The following INPP4A variants were observed in gnomAD, a reference collection of about 807,000 sequenced individuals.
INPP4A encodes inositol polyphosphate-4-phosphatase, type I, 107kD.
Under a neutral mutation model 119.8 loss-of-function variants are expected in INPP4A, and 33 were observed. That is an observed-to-expected ratio of 0.28 (90% confidence interval 0.21 to 0.37). INPP4A has a LOEUF of 0.37. Among genes scored for constraint, INPP4A ranks in the 10% least tolerant of loss-of-function variants. The pLI is 1.00. For synonymous variants in INPP4A, 496 were observed against 500.7 expected (o/e 0.99, Z 0.12); for missense variants, 956 against 1,289.9 (o/e 0.74, Z 3.97).
In INPP4A at chr2:98,585,851, A is replaced by C. The variant is rs1454565926; in HGVS notation, c.2787-1625A>C. Among the ~76,000 whole-genome samples the C allele has an allele frequency of 4.4e-4, 67 of 152,242 alleles. 1 individual carries two copies. Among genetic ancestry groups the C allele is most frequent in the Admixed American group, 4.4e-3 (67 of 15,276 alleles). ...AATAAAAGATAATGTCAAAGTTCAC[A>C]AATTATTCTGCCTCGCTCCTCACGG... is the stretch of plus-strand genomic sequence containing the variant. On this transcript the variant is annotated intron_variant, in intron 24 of 24. Coordinates refer to ENST00000409851, the MANE Select transcript of INPP4A (RefSeq NM_001134225.2).
chr2:98,568,092 G>A (rs995301057), intron 21 of INPP4A, among the ~76,000 whole-genome samples: 2 of 152,240 alleles, frequency 1.3e-5, no homozygotes, highest in African/African-American at 4.8e-5. Context: ...GAACCTGCAC[G>A]ATGACGAAAG....
chr2:98,581,808 A>T (rs1006915981), intron 24 of INPP4A: 1 of 1,565,002 alleles, frequency 6.4e-7, no homozygotes, highest in South Asian at 1.2e-5. Flanking sequence ...GTGCCAGAAC[A>T]TGTCCAGCCA....
chr2:98,480,635 TGC>T (rs1430409240), intron 1 of INPP4A, among the ~76,000 whole-genome samples: 1 of 152,214 alleles, frequency 6.6e-6, no homozygotes, highest in African/African-American at 2.4e-5. Flanking sequence ...TGACCCTCTG[TGC>T]ACTGAAGGAG....
intron 1 of INPP4A, among the ~76,000 whole-genome samples, chr2:98,478,128 G>A (rs1033016367): frequency 6.6e-6 from 1 of 152,202 alleles, no homozygotes; most frequent in Non-Finnish European, 1.5e-5. Flanking sequence ...GGACACTGCC[G>A]TAGGTGGGAG....
rs79295624 is a variant in INPP4A at position 98,555,846 on chromosome 2, T to C, written c.1822+38T>C. Reference sequence around the variant, plus strand: ...CCATGCTTCCCATATGCTGCCTCCATTTCACCTTGTGCTGCTTCCATTTGT... The same window carrying C: ...CCATGCTTCCCATATGCTGCCTCCACTTCACCTTGTGCTGCTTCCATTTGT... On this transcript the variant is annotated intron_variant, in intron 16 of 24. Transcript: ENST00000409851. 4,539 of 1,523,846 alleles carry C rather than the reference T, an allele frequency of 3.0e-3. 106 individuals carry two copies. In the African/African-American group the frequency reaches 0.054, roughly 18 times the overall value. 94.4% of individuals were successfully genotyped at this position (1,523,846 alleles called of 1,614,324 possible). A position where few individuals can be genotyped will look rare whatever the true frequency, so the allele number is the denominator to read the frequency against.
chr2:98,475,063 T>C (rs1022337705), intron 1 of INPP4A, among the ~76,000 whole-genome samples: 1 of 151,964 alleles, frequency 6.6e-6, no homozygotes, highest in African/African-American at 2.4e-5. Context: ...TGTCTGGAAG[T>C]GGGTGAAACT....
intron 1 of INPP4A, among the ~76,000 whole-genome samples, chr2:98,462,533 G>A (rs1673791658): frequency 6.8e-6 from 1 of 147,024 alleles, no homozygotes; most frequent in Non-Finnish European, 1.5e-5. Context: ...AATTATTATT[G>A]TTTTTTTTTT....
rs1700372844 is a variant in INPP4A, at chr2:98,591,036, T to C, written c.*3428T>C. The stretch of plus-strand genomic sequence containing the variant: ...ATACAATGTATTAGCCCCTGTCATA[T>C]GTTGCACACTTTTTAACCTATTTGT... On this transcript the variant is annotated 3_prime_UTR_variant, in exon 25 of 25. Transcript: ENST00000409851. The C allele has an allele frequency of 8.9e-6, 2 of 223,474 alleles. No homozygotes were observed. The highest frequency in any genetic ancestry group is 1.8e-4 in the South Asian group (1 of 5,464). The allele number at this position is 223,474 out of a possible 1,614,324, so 13.8% of individuals were successfully genotyped here.
chr2:98,503,865 G>A (rs556337193), intron 1 of INPP4A, among the ~76,000 whole-genome samples: 1 of 152,318 alleles, frequency 6.6e-6, no homozygotes, highest in East Asian at 1.9e-4. Flanking sequence ...GTTGAGAAGA[G>A]GTGCCACATG....
intron 21 of INPP4A, among the ~76,000 whole-genome samples, chr2:98,568,230 C>T (rs1696820010): frequency 6.6e-6 from 1 of 152,120 alleles, no homozygotes; most frequent in South Asian, 2.1e-4. Context: ...ACTGCCGTCC[C>T]CCCTCCTAAG....
At chr2:98,542,762 T>A (rs1327797166) in intron 10 of INPP4A, among the ~76,000 whole-genome samples, 1 of 152,136 alleles carries the variant, frequency 6.6e-6, no homozygotes, top group African/African-American at 2.4e-5. Context: ...CAGGTTTTTT[T>A]TTTTGGAGAT....
chr2:98,500,255 G>A (rs1420326984), intron 1 of INPP4A, among the ~76,000 whole-genome samples: 4 of 152,124 alleles, frequency 2.6e-5, no homozygotes, highest in African/African-American at 9.7e-5. Flanking sequence ...TATGACATGG[G>A]GTGTGAGCTG....
chr2:98,590,514 G>A lies in INPP4A; in HGVS notation c.*2906G>A, dbSNP rs75350251. 720 of 193,310 alleles carry A rather than the reference G, an allele frequency of 3.7e-3. 13 individuals carry two copies. The East Asian group carries it at 0.05, about 14-fold the overall frequency. 12.0% of individuals were successfully genotyped at this position (193,310 alleles called of 1,614,324 possible). A position where few individuals can be genotyped will look rare whatever the true frequency, so the allele number is the denominator to read the frequency against. On this transcript the variant is annotated 3_prime_UTR_variant, in exon 25 of 25. Coordinates refer to ENST00000409851, the MANE Select transcript of INPP4A (RefSeq NM_001134225.2). ...ACCTTCCTCATAAGGAACGTGCGAC[G>A]CGCCTCAGAAGTACGTGTTCATAAA... is the stretch of plus-strand genomic sequence containing the variant.
intron 5 of INPP4A, among the ~76,000 whole-genome samples, chr2:98,534,466 C>A (rs145528700): frequency 2.0e-5 from 3 of 152,288 alleles, no homozygotes; most frequent in Admixed American, 2.0e-4. Flanking sequence ...AATTCTACTT[C>A]AGTATGTCTG....
intron 1 of INPP4A, among the ~76,000 whole-genome samples, chr2:98,455,120 C>G (rs1036720293): frequency 6.6e-6 from 1 of 152,164 alleles, no homozygotes; most frequent in Admixed American, 6.5e-5. Flanking sequence ...AGGAGGATCT[C>G]TTGAGCCCAG....
chr2:98,448,640 G>A (rs1465353838), intron 1 of INPP4A, among the ~76,000 whole-genome samples: 3 of 151,332 alleles, frequency 2.0e-5, no homozygotes, highest in African/African-American at 7.3e-5. Flanking sequence ...TTAGATTCAG[G>A]TTATGCACTT....
rs564102589 is a variant in INPP4A at position 98,498,873 on chromosome 2, G to A, written c.-165-20091G>A. On this transcript the variant is annotated intron_variant, in intron 1 of 24. Transcript: ENST00000409851. ...AGGTGACTGTAAGCCAAAGAGAGTG[G>A]CCTCACCAGGAACTGAATCAGCTGG... 3.3e-4 allele frequency among the ~76,000 whole-genome samples: 50 copies of A among 152,314 alleles called. No homozygotes were observed. In the South Asian group the frequency reaches 0.01, roughly 32 times the overall value.
intron 1 of INPP4A, among the ~76,000 whole-genome samples, chr2:98,492,017 A>G (rs772146433): frequency 2.6e-5 from 4 of 152,082 alleles, no homozygotes; most frequent in Admixed American, 2.6e-4. Flanking sequence ...AGCCTCTTGA[A>G]TAGCTGGGAT....
Position 98,588,414 on chromosome 2 carries a change from T to C in INPP4A, c.*806T>C, listed in dbSNP as rs143670471. ...TCTCCCCTTCTTCTCTAGATGTTAATGTAGGGCCTCAGATGTGGCATGTCA... is the reference window on the plus strand; with the variant it reads ...TCTCCCCTTCTTCTCTAGATGTTAACGTAGGGCCTCAGATGTGGCATGTCA... On this transcript the variant is annotated 3_prime_UTR_variant, in exon 25 of 25. Coordinates refer to ENST00000409851, the MANE Select transcript of INPP4A (RefSeq NM_001134225.2). The C allele has an allele frequency of 3.3e-4, 67 of 201,630 alleles. 2 individuals carry two copies. The highest frequency in any genetic ancestry group is 1.5e-3 in the African/African-American group (64 of 43,678). 12.5% of individuals were successfully genotyped at this position (201,630 alleles called of 1,614,324 possible).
Sources: gnomAD v4.1 joint callset for allele counts (sites outside exome capture counted in the v4.1 genomes callset) on GRCh38, gnomAD v4.1.1 for gene constraint, MANE v1.5 for transcripts, NCBI Gene and HGNC (gene_info 2026-07-23, HGNC 2026-07-21) for gene names.